Variants in PTPRM observed in about 807,000 individuals in gnomAD.
PTPRM encodes the protein receptor-type tyrosine-protein phosphatase mu.
Under a neutral mutation model 186.7 loss-of-function variants are expected in PTPRM, and 47 were observed. The observed-to-expected ratio is 0.25, with a 90% CI of 0.20 to 0.32. The LOEUF (loss-of-function observed/expected upper bound fraction) is 0.32. Ranked by LOEUF, PTPRM falls within the 10% of genes least tolerant of loss-of-function variation. The probability of loss-of-function intolerance (pLI) is 1.00; values close to 1 mark genes in which losing one functional copy is unlikely to be tolerated. For missense variants in PTPRM, 1,494 were observed against 1,865.0 expected, an observed-to-expected ratio of 0.80 and a Z score of 3.66; for synonymous variants, 668 against 674.9, an observed-to-expected ratio of 0.99 and a Z score of 0.16.
intron 1 of PTPRM, among the ~76,000 whole-genome samples, chr18:7,608,483 T>A (rs2143824154): frequency 6.6e-6 from 1 of 152,344 alleles, no homozygotes; most frequent in African/African-American, 2.4e-5. Context: ...CCTTTGAAGC[T>A]CTACATTGAT....
chr18:8,313,622 C>T (rs1462346568), intron 20 of PTPRM, among the ~76,000 whole-genome samples: 1 of 150,818 alleles, frequency 6.6e-6, no homozygotes, highest in Non-Finnish European at 1.5e-5. Flanking sequence ...TTTGGGGGAA[C>T]AAGTGGTGTG....
chr18:7,827,781 A>G (rs2045561473), intron 2 of PTPRM, among the ~76,000 whole-genome samples: 1 of 152,186 alleles, frequency 6.6e-6, no homozygotes, highest in African/African-American at 2.4e-5. Flanking sequence ...ATGTCAATAC[A>G]TTTATATATC....
chr18:8,208,101 G>C (rs2093954107), intron 14 of PTPRM, among the ~76,000 whole-genome samples: 1 of 152,214 alleles, frequency 6.6e-6, no homozygotes, highest in African/African-American at 2.4e-5. Context: ...GATGGGCATG[G>C]TCAGCAACCA....
At chr18:7,575,297 A>G (rs2036661097) in intron 1 of PTPRM, among the ~76,000 whole-genome samples, 1 of 152,174 alleles carries the variant, frequency 6.6e-6, no homozygotes, top group African/African-American at 2.4e-5. Context: ...GCAGCTGATC[A>G]CTAGGTGTAG....
chr18:7,986,053 A>G (rs2082947275), intron 7 of PTPRM, among the ~76,000 whole-genome samples: 3 of 152,184 alleles, frequency 2.0e-5, no homozygotes, highest in Middle Eastern at 3.2e-3. Flanking sequence ...TTGTCTCAAA[A>G]TTATGCTTTG....
intron 1 of PTPRM, among the ~76,000 whole-genome samples, chr18:7,664,157 T>C (rs186137234): frequency 6.6e-6 from 1 of 152,276 alleles, no homozygotes; most frequent in East Asian, 1.9e-4. Flanking sequence ...TGAAACATCA[T>C]AGGCATGTGT....
intron 14 of PTPRM, among the ~76,000 whole-genome samples, chr18:8,240,635 GAGAGAGAGAGAGAGAGAGAAAGAAAGAA>G (rs770447193): frequency 0.078 from 4,206 of 54,188 alleles, 263 homozygotes; most frequent in Middle Eastern, 0.27. Flanking sequence ...GAGAGAGAGA[GAGAGAGAGAGAGAGAGAGAAAGAAAGAA>G]AGAAAGAAAG....
At chr18:8,018,775 A>G (rs2085032146) in intron 7 of PTPRM, among the ~76,000 whole-genome samples, 2 of 152,186 alleles carry the variant, frequency 1.3e-5, no homozygotes, top group South Asian at 4.1e-4. Flanking sequence ...AAACTGAATG[A>G]TGATTCAGAA....
intron 11 of PTPRM, among the ~76,000 whole-genome samples, chr18:8,091,981 C>T (rs181991923): frequency 6.6e-6 from 1 of 152,116 alleles, no homozygotes; most frequent in East Asian, 1.9e-4. Flanking sequence ...GTTTGCTTTC[C>T]TGGATTTTGC....
intron 14 of PTPRM, among the ~76,000 whole-genome samples, chr18:8,169,303 C>T (rs2093364983): frequency 6.6e-6 from 1 of 151,478 alleles, no homozygotes; most frequent in Non-Finnish European, 1.5e-5. Context: ...CAAATGGCTG[C>T]CCAAAAAGTT....
At chr18:7,596,356 C>T (rs188140293) in intron 1 of PTPRM, among the ~76,000 whole-genome samples, 137 of 152,248 alleles carry the variant, frequency 9.0e-4, no homozygotes, top group African/African-American at 3.3e-3. Flanking sequence ...ACTTATGAAT[C>T]GTTTACTTCT....
chr18:8,127,671 G>C (rs939856324), intron 13 of PTPRM, among the ~76,000 whole-genome samples: 2 of 152,104 alleles, frequency 1.3e-5, no homozygotes, highest in African/African-American at 4.8e-5. Context: ...CAAAGTTGCA[G>C]CTTTCTGTCC....
At chr18:7,989,789 C>G (rs2083164683) in intron 7 of PTPRM, among the ~76,000 whole-genome samples, 1 of 152,224 alleles carries the variant, frequency 6.6e-6, no homozygotes, top group East Asian at 1.9e-4. Flanking sequence ...ACCATCTGCT[C>G]TCATACTCCT....
At chr18:8,235,263 C>T (rs1601386541) in intron 14 of PTPRM, among the ~76,000 whole-genome samples, 1 of 151,968 alleles carries the variant, frequency 6.6e-6, no homozygotes, top group Non-Finnish European at 1.5e-5. Flanking sequence ...AGCTATAGGC[C>T]TAGTGAGATT....
chr18:7,965,204 C>T (rs1325294736), intron 7 of PTPRM, among the ~76,000 whole-genome samples: 1 of 152,052 alleles, frequency 6.6e-6, no homozygotes, highest in Non-Finnish European at 1.5e-5. Context: ...CGCCACCACG[C>T]CCAGCTAATA....
chr18:8,234,422 A>G (rs1423968091), intron 14 of PTPRM, among the ~76,000 whole-genome samples: 2 of 152,186 alleles, frequency 1.3e-5, no homozygotes, highest in South Asian at 4.1e-4. Flanking sequence ...ACTTTTGTAT[A>G]TTAACCTGGT....
intron 2 of PTPRM, among the ~76,000 whole-genome samples, chr18:7,838,855 G>A (rs1484157025): frequency 6.6e-6 from 1 of 152,190 alleles, no homozygotes; most frequent in Non-Finnish European, 1.5e-5. Context: ...CTGTTGTCCT[G>A]TGGCTGAGCT....
At chr18:7,576,139 T>C (rs1324983470) in intron 1 of PTPRM, among the ~76,000 whole-genome samples, 1 of 152,182 alleles carries the variant, frequency 6.6e-6, no homozygotes, top group African/African-American at 2.4e-5. Context: ...AGGCCACTGT[T>C]TAACAGAATG....
At chr18:7,608,215 A>G (rs2037584450) in intron 1 of PTPRM, among the ~76,000 whole-genome samples, 1 of 152,206 alleles carries the variant, frequency 6.6e-6, no homozygotes, top group South Asian at 2.1e-4. Flanking sequence ...GACTTGGGAA[A>G]AAGAGGCATG....
Sources: allele counts gnomAD v4.1 joint callset (sites outside exome capture counted in the v4.1 genomes callset), GRCh38; gene constraint gnomAD v4.1.1; transcripts MANE v1.5; gene names NCBI Gene and HGNC (gene_info 2026-07-23, HGNC 2026-07-21).